CLNK: variants seen among roughly 807,000 people sequenced by gnomAD.
CLNK encodes cytokine dependent hematopoietic cell linker.
In CLNK, 74 loss-of-function variants were observed where a neutral mutation model predicts 68.6. The ratio of observed to expected loss-of-function variants is 1.08; its 90% CI spans 0.89 to 1.31. CLNK has a LOEUF of 1.31. Among genes scored for constraint, CLNK ranks in the 50% most tolerant of loss-of-function variants. The pLI is 0.00. For missense variants in CLNK, 553 were observed against 515.3 expected, an observed-to-expected ratio of 1.07 and a Z score of -0.71; for synonymous variants, 198 against 172.2, an observed-to-expected ratio of 1.15 and a Z score of -1.17.
At chr4:10,520,726 CA>C in intron 15 of CLNK, 64 bp downstream of exon 15, 1 of 1,258,048 alleles carries the variant, frequency 7.9e-7, no homozygotes. Flanking sequence ...AGCTAAGTCA[CA>C]GTGCCACAAT....
chr4:10,686,077 C>G (rs891736696), upstream of CLNK, among the ~76,000 whole-genome samples: 3 of 152,094 alleles, frequency 2.0e-5, no homozygotes, highest in Non-Finnish European at 4.4e-5. Context: ...AGTCTGAGAT[C>G]AAGGAGTCGG....
chr4:10,667,547 C>T (rs61796841), intron 2 of CLNK, among the ~76,000 whole-genome samples: 6,147 of 152,114 alleles, frequency 0.04, 185 homozygotes, highest in Middle Eastern at 0.099. Flanking sequence ...GTCCTTTTAC[C>T]TATTCCTTCA....
intron 2 of CLNK, among the ~76,000 whole-genome samples, chr4:10,647,994 C>T (rs975450513): frequency 3.9e-5 from 6 of 152,124 alleles, no homozygotes; most frequent in Non-Finnish European, 5.9e-5. Context: ...CACTGTGACT[C>T]ATCTCTGGAC....
rs1316894033 is a variant in CLNK, at chr4:10,680,879, A to AGTAGGAG, written c.-43+3782_-43+3788dup. Among the ~76,000 whole-genome samples, 18 of 152,290 alleles carry AGTAGGAG rather than the reference A, an allele frequency of 1.2e-4. No homozygotes were observed. In the South Asian group the frequency reaches 3.5e-3, roughly 30 times the overall value. On this transcript the variant is annotated intron_variant, in intron 1 of 18. Transcript: ENST00000226951. ...TATAGTGAAAACAGCATGTATCAGA[A>AGTAGGAG]GTAGGAGTTTGGGATGGGGACTGTG...
chr4:10,565,772 T>C (rs1436955131), intron 6 of CLNK, among the ~76,000 whole-genome samples: 1 of 152,116 alleles, frequency 6.6e-6, no homozygotes, highest in Non-Finnish European at 1.5e-5. Context: ...GAACTCAACA[T>C]GCGTCATTCA....
intron 2 of CLNK, among the ~76,000 whole-genome samples, chr4:10,649,406 C>T (rs770571176): frequency 3.3e-5 from 5 of 152,148 alleles, no homozygotes; most frequent in East Asian, 3.8e-4. Context: ...GAACTGAAAT[C>T]GCTTTCTCCT....
chr4:10,656,090 G>A (rs1723972727), intron 2 of CLNK, among the ~76,000 whole-genome samples: 1 of 151,974 alleles, frequency 6.6e-6, no homozygotes, highest in Non-Finnish European at 1.5e-5. Context: ...AAAGTGAAAG[G>A]CAGATTTTGT....
intron 7 of CLNK, among the ~76,000 whole-genome samples, chr4:10,560,372 C>A (rs958871632): frequency 1.3e-5 from 2 of 152,206 alleles, no homozygotes; most frequent in Admixed American, 1.3e-4. Context: ...GGGGTCTAGA[C>A]AAGAACTGGC....
chr4:10,589,944 C>T (rs1474598431), intron 3 of CLNK, among the ~76,000 whole-genome samples: 2 of 152,332 alleles, frequency 1.3e-5, no homozygotes, highest in Admixed American at 6.5e-5. Flanking sequence ...CATAACATGG[C>T]CACGTGCAAG....
the CLNK span, among the ~76,000 whole-genome samples, chr4:10,713,712 A>T: frequency 6.6e-6 from 1 of 152,048 alleles, no homozygotes; most frequent in African/African-American, 2.4e-5. Context: ...GAGTTCTTAC[A>T]TTCTTAGTTC....
the CLNK span, among the ~76,000 whole-genome samples, chr4:10,734,272 A>G: frequency 6.6e-6 from 1 of 152,204 alleles, no homozygotes; most frequent in African/African-American, 2.4e-5. Context: ...GTTGCATGCA[A>G]TGCTATAAAT....
At chr4:10,537,651 C>CTTT (rs768088404) in intron 11 of CLNK, among the ~76,000 whole-genome samples, 1 of 50,528 alleles carries the variant, frequency 2.0e-5, no homozygotes, top group African/African-American at 9.0e-5. Context: ...TTCTTTCTTT[C>CTTT]TTTCTTTCTT....
chr4:10,683,480 C>T (rs187219000), intron 1 of CLNK, among the ~76,000 whole-genome samples: 2 of 152,312 alleles, frequency 1.3e-5, no homozygotes, highest in African/African-American at 2.4e-5. Context: ...ACACTGTTCA[C>T]CATTCCAATC....
chr4:10,601,640 G>A (rs61795157), intron 2 of CLNK, among the ~76,000 whole-genome samples: 6,255 of 152,230 alleles, frequency 0.041, 186 homozygotes, highest in Middle Eastern at 0.099. Context: ...ATCTGACCTC[G>A]AAAGGAGATG....
intron 1 of CLNK, among the ~76,000 whole-genome samples, chr4:10,676,393 C>CTTT (rs33954033): frequency 0.022 from 2,910 of 134,332 alleles, 46 homozygotes; most frequent in Non-Finnish European, 0.027. Flanking sequence ...TTATAGATTT[C>CTTT]TTTTTTTTTT....
intron 11 of CLNK, among the ~76,000 whole-genome samples, chr4:10,535,232 AAAGAAAGAAAGAAAG>A (rs1379146244): frequency 1.0e-5 from 1 of 99,994 alleles, no homozygotes; most frequent in African/African-American, 3.7e-5. Flanking sequence ...AGAAAGAAAG[AAAGAAAGAAAGAAAG>A]AAAGAAAGAA....
chr4:10,497,929 C>T (rs1476452126), intron 18 of CLNK, among the ~76,000 whole-genome samples: 1 of 152,260 alleles, frequency 6.6e-6, no homozygotes, highest in Non-Finnish European at 1.5e-5. Flanking sequence ...GGCGCAGTGG[C>T]TCATGCCTGT....
chr4:10,696,251 C>T, the CLNK span, among the ~76,000 whole-genome samples: 1 of 152,084 alleles, frequency 6.6e-6, no homozygotes. Context: ...CTTTTTTGGC[C>T]TTGCCGTTCT....
intron 2 of CLNK, among the ~76,000 whole-genome samples, chr4:10,653,834 C>A (rs1413184859): frequency 1.3e-5 from 2 of 152,138 alleles, no homozygotes; most frequent in African/African-American, 4.8e-5. Context: ...TCATTATAGG[C>A]ACAACAGACT....
Sources: gnomAD v4.1 joint callset for allele counts (sites outside exome capture counted in the v4.1 genomes callset) on GRCh38, gnomAD v4.1.1 for gene constraint, MANE v1.5 for transcripts, NCBI Gene and HGNC (gene_info 2026-07-23, HGNC 2026-07-21) for gene names.